Variants in INTS4 observed in about 807,000 individuals in gnomAD.
INTS4 encodes the protein MSTP093.
A neutral mutation model predicts 119.5 loss-of-function variants in INTS4; 70 were observed. That is an observed-to-expected ratio of 0.59 (90% CI 0.48 to 0.71). The LOEUF (loss-of-function observed/expected upper bound fraction) is 0.71, where lower values mean the gene tolerates loss of function less well. INTS4 is among the 30% of genes least tolerant of loss of function. The pLI, the probability that INTS4 is intolerant of heterozygous loss-of-function variation, is 0.00. For synonymous variants in INTS4, 316 were observed against 419.6 expected (o/e 0.75, Z 3.02); for missense variants, 867 against 1,173.2 (o/e 0.74, Z 3.81).
At chr11:77,908,873 G>A in intron 15 of INTS4, among the ~76,000 whole-genome samples, 1 of 152,248 alleles carries the variant, frequency 6.6e-6, no homozygotes, top group South Asian at 2.1e-4. Context: ...GACACTGTTG[G>A]TTGCCTGTCC....
At chr11:77,990,556 C>T (rs183059313) in intron 2 of INTS4, among the ~76,000 whole-genome samples, 3 of 151,988 alleles carry the variant, frequency 2.0e-5, no homozygotes, top group Admixed American at 6.6e-5. Context: ...TGTGGTGGCA[C>T]GTGCCTGTAA....
intron 15 of INTS4, among the ~76,000 whole-genome samples, chr11:77,915,506 A>G (rs1591050472): frequency 6.6e-6 from 1 of 152,158 alleles, no homozygotes; most frequent in South Asian, 2.1e-4. Flanking sequence ...CCACCTACCC[A>G]GCATTCTCCC....
chr11:77,881,151 G>C (rs1009157951), intron 22 of INTS4, among the ~76,000 whole-genome samples: 3 of 152,196 alleles, frequency 2.0e-5, no homozygotes, highest in Non-Finnish European at 4.4e-5. Flanking sequence ...GATAACTCAA[G>C]CAACTTCTGC....
intron 4 of INTS4, among the ~76,000 whole-genome samples, chr11:77,974,120 T>C (rs1473869315): frequency 1.3e-5 from 2 of 152,172 alleles, no homozygotes; most frequent in Non-Finnish European, 2.9e-5. Flanking sequence ...ATTACTTTAC[T>C]TGTCATAGAT....
Position 77,960,381 on chromosome 11 carries a change from T to C in INTS4, c.668A>G (p.His223Arg), listed in dbSNP as rs368162001. Residue 223 changes from histidine (H) to arginine (R), a missense_variant, in exon 6 of 23, where the codon CAT (histidine) becomes CGT (arginine). Coordinates refer to ENST00000534064, the MANE Select transcript of INTS4 (RefSeq NM_033547.4). The part of the protein sequence containing the change: ...TAAIKAMLQL[H>R]ERGLKLHQTI... ...TTGGTGTAATTTCAGTCCTCTTTCA[T>C]GGAGCTGCAACTAGATAATAAATAT... 202 of 1,597,068 alleles carry C rather than the reference T, an allele frequency of 1.3e-4. No homozygotes were observed. The highest frequency in any genetic ancestry group is 1.7e-4 in the Non-Finnish European group (194 of 1,165,970).
intron 8 of INTS4, among the ~76,000 whole-genome samples, chr11:77,955,439 C>T (rs1954294365): frequency 6.6e-6 from 1 of 151,390 alleles, no homozygotes; most frequent in Non-Finnish European, 1.5e-5. Flanking sequence ...GAGAAATGTG[C>T]TCATTTAAAA....
At chr11:77,946,886 GACAA>G (rs1954061192) in intron 8 of INTS4, among the ~76,000 whole-genome samples, 1 of 128,798 alleles carries the variant, frequency 7.8e-6, no homozygotes, top group Non-Finnish European at 1.6e-5. Context: ...AGAGAATACA[GACAA>G]ACAATTAAAT....
rs555560868 is a variant in INTS4 at position 77,930,766 on chromosome 11, G to C, written c.1166-2219C>G. Among the ~76,000 whole-genome samples, 15 of 152,192 alleles carry C rather than the reference G, an allele frequency of 9.9e-5. No homozygotes were observed. In the South Asian group the frequency reaches 3.1e-3, roughly 32 times the overall value. On this transcript the variant is annotated intron_variant, in intron 10 of 22. Coordinates refer to ENST00000534064, the MANE Select transcript of INTS4 (RefSeq NM_033547.4). Reference sequence around the variant, plus strand: ...AGGCCAAGGCAGGAGGATCACTTGAGCCCAGGAGTTCAACACCAGCCTGGG... The same window carrying C: ...AGGCCAAGGCAGGAGGATCACTTGACCCCAGGAGTTCAACACCAGCCTGGG...
intron 3 of INTS4, 109 bp downstream of exon 3, chr11:77,981,350 C>A: frequency 2.1e-6 from 1 of 469,140 alleles, no homozygotes; most frequent in Non-Finnish European, 3.8e-6. Context: ...AAATTATCCT[C>A]AAATTCCTCT....
chr11:77,904,641 T>C (rs1952886403), intron 16 of INTS4, among the ~76,000 whole-genome samples: 1 of 152,180 alleles, frequency 6.6e-6, no homozygotes, highest in South Asian at 2.1e-4. Context: ...AGATAAAAAC[T>C]ATAGGAATTT....
chr11:77,964,938 T>C (rs552869415), intron 4 of INTS4, among the ~76,000 whole-genome samples: 2 of 152,362 alleles, frequency 1.3e-5, no homozygotes, highest in East Asian at 1.9e-4. Context: ...GTCATAGTTA[T>C]ATATATTTTT....
chr11:77,905,081 G>C (rs1360699711), intron 16 of INTS4, among the ~76,000 whole-genome samples: 2 of 152,162 alleles, frequency 1.3e-5, no homozygotes, highest in African/African-American at 2.4e-5. Context: ...GTATAAATCT[G>C]AGTGTACTAA....
At chr11:77,982,750 AGT>A (rs1179069345) in intron 2 of INTS4, among the ~76,000 whole-genome samples, 1 of 152,218 alleles carries the variant, frequency 6.6e-6, no homozygotes, top group African/African-American at 2.4e-5. Context: ...GTACCTAACC[AGT>A]GCTGAGAATA....
chr11:77,979,145 G>A (rs1326769373), intron 3 of INTS4, 43 bp from the exon 4 acceptor site: 8 of 1,129,394 alleles, frequency 7.1e-6, no homozygotes, highest in Non-Finnish European at 1.1e-5. Context: ...ATTTCGAAAG[G>A]GGTAACTATA....
chr11:77,901,823 A>G (rs988786314), intron 17 of INTS4, among the ~76,000 whole-genome samples: 14 of 151,980 alleles, frequency 9.2e-5, no homozygotes, highest in Admixed American at 9.2e-4. Flanking sequence ...CAAACTGCAA[A>G]GCACTGAAAG....
At chr11:77,958,213 ATATT>A (rs1459707830) in intron 7 of INTS4, among the ~76,000 whole-genome samples, 1 of 151,234 alleles carries the variant, frequency 6.6e-6, no homozygotes, top group East Asian at 1.9e-4. Context: ...TATTCTATAA[ATATT>A]TATAAATAAA....
intron 19 of INTS4, among the ~76,000 whole-genome samples, chr11:77,893,683 A>C (rs925133498): frequency 6.6e-6 from 1 of 152,140 alleles, no homozygotes; most frequent in African/African-American, 2.4e-5. Context: ...ACTTGAGGTC[A>C]GGAGTTAGAG....
intron 1 of INTS4, among the ~76,000 whole-genome samples, chr11:77,993,245 A>C (rs72941376): frequency 0.03 from 4,565 of 152,320 alleles, 91 homozygotes; most frequent in Non-Finnish European, 0.043. Context: ...TGACAGCAGC[A>C]CTGAACAAAA....
intron 16 of INTS4, among the ~76,000 whole-genome samples, chr11:77,905,838 C>T (rs1952935032): frequency 6.6e-6 from 1 of 152,074 alleles, no homozygotes; most frequent in African/African-American, 2.4e-5. Context: ...CCTTTATGAC[C>T]AATTTCTTTA....
Sources: gnomAD v4.1 joint callset for allele counts (sites outside exome capture counted in the v4.1 genomes callset) on GRCh38, gnomAD v4.1.1 for gene constraint, MANE v1.5 for transcripts, NCBI Gene and HGNC (gene_info 2026-07-23, HGNC 2026-07-21) for gene names.